MYLK4: variants seen among roughly 807,000 people sequenced by gnomAD.
The protein encoded by MYLK4 is caMLCK like.
Under a neutral mutation model 48.1 loss-of-function variants are expected in MYLK4, and 46 were observed. The observed-to-expected ratio is 0.96, with a 90% confidence interval of 0.75 to 1.22. The LOEUF is 1.22. Among genes scored for constraint, MYLK4 ranks in the 50% most tolerant of loss-of-function variants. MYLK4 has a pLI of 0.00. For missense variants in MYLK4, 451 were observed against 486.1 expected, an observed-to-expected ratio of 0.93 and a Z score of 0.68; for synonymous variants, 170 against 180.8, an observed-to-expected ratio of 0.94 and a Z score of 0.48.
rs1488350344 is a variant in MYLK4 at position 2,678,342 on chromosome 6, G to T, written c.918C>A (p.Asp306Glu). ...TGTTGTTCAGCGTCTCAGCATCATT[G>T]TCACCCAGGAAAGGCGACAAACCGC... is the stretch of plus-strand genomic sequence containing the variant. ...LLSGLSPFLG[D>E]NDAETLNNIL... The change falls in exon 10 of 13, where the codon GAC becomes GAA. Residue 306 changes from aspartate to glutamate, a missense_variant. Asp to Glu is a conservative substitution (Grantham distance 45). Coordinates refer to ENST00000274643, the MANE Select transcript of MYLK4 (RefSeq NM_001012418.5). 17 of 1,613,986 alleles carry T rather than the reference G, an allele frequency of 1.1e-5. No homozygotes were observed. Among genetic ancestry groups the T allele is most frequent in the Non-Finnish European group, 1.4e-5 (16 of 1,180,014 alleles).
intron 6 of MYLK4, among the ~76,000 whole-genome samples, chr6:2,684,500 A>G (rs1025113621): frequency 6.6e-6 from 1 of 152,176 alleles, no homozygotes; most frequent in Non-Finnish European, 1.5e-5. Flanking sequence ...AACAAAACGG[A>G]ATCACAATAT....
At chr6:2,743,974 A>G in intron 2 of MYLK4, 1 of 398,820 alleles carries the variant, frequency 2.5e-6, no homozygotes, top group South Asian at 1.3e-4. Flanking sequence ...AGAGAACTGA[A>G]GACGAGAGAA....
At chr6:2,721,152 C>T (rs1192922639) in intron 2 of MYLK4, among the ~76,000 whole-genome samples, 1 of 152,146 alleles carries the variant, frequency 6.6e-6, no homozygotes, top group East Asian at 1.9e-4. Flanking sequence ...CAGAGCAAGA[C>T]TCTGTCTCAA....
the MYLK4 span, among the ~76,000 whole-genome samples, chr6:2,757,112 GCAGTTTGGTGAACTCT>G: frequency 3.3e-5 from 5 of 151,208 alleles, no homozygotes; most frequent in African/African-American, 1.2e-4. Context: ...TGGCTGATGG[GCAGTTTGGTGAACTCT>G]CAGAGGTGTG....
the MYLK4 span, among the ~76,000 whole-genome samples, chr6:2,767,734 C>T: frequency 1.3e-5 from 2 of 152,290 alleles, no homozygotes; most frequent in African/African-American, 4.8e-5. Flanking sequence ...CAAGAAGGTC[C>T]TTAGGGAGAC....
chr6:2,730,251 T>G (rs1311708950), intron 2 of MYLK4, among the ~76,000 whole-genome samples: 1 of 152,174 alleles, frequency 6.6e-6, no homozygotes, highest in Non-Finnish European at 1.5e-5. Flanking sequence ...ACAGGGCACG[T>G]AGAAGGATAT....
chr6:2,686,701 C>T (rs554396110), intron 4 of MYLK4, among the ~76,000 whole-genome samples: 7 of 152,294 alleles, frequency 4.6e-5, no homozygotes, highest in South Asian at 2.1e-4. Context: ...CCGCTGCATC[C>T]TACTGTGGGG....
In MYLK4 at chr6:2,680,627, C is replaced by A. The variant is rs539348579; in HGVS notation, c.688-336G>T. The A allele has an allele frequency of 7.7e-6, 7 of 914,466 alleles. No individual in the cohort carries two copies. The African/African-American group carries it at 1.2e-4, about 16-fold the overall frequency. The allele number at this position is 914,466 out of a possible 1,614,324, so 56.6% of individuals were successfully genotyped here. On this transcript the variant is annotated intron_variant, in intron 7 of 12. Coordinates refer to ENST00000274643, the MANE Select transcript of MYLK4 (RefSeq NM_001012418.5). ...GTGGAGGCCCGCTCAGGCCTGACAT[C>A]TGCCCCTCTAAATTATTCAGTATGA...
rs1760687648 is a variant in MYLK4 at position 2,667,161 on chromosome 6, CA to C, written c.*763del. 1 of 152,158 alleles carries C rather than the reference CA, an allele frequency of 6.6e-6. No individual in the cohort carries two copies. Among genetic ancestry groups the C allele is most frequent in the Non-Finnish European group, 1.5e-5 (1 of 68,032 alleles). The allele number at this position is 152,158 out of a possible 1,614,324, so 9.4% of individuals were successfully genotyped here. ...TCCAACCATAAACAGATACTTTTTG[CA>C]TCACCTCTCAAAACCAATGTGTTTT... On this transcript the variant is annotated 3_prime_UTR_variant, in exon 13 of 13. Transcript: ENST00000274643.
upstream of MYLK4, chr6:2,751,084 G>A (rs1051406516): frequency 1.3e-4 from 20 of 152,564 alleles, no homozygotes; most frequent in African/African-American, 4.8e-4. Flanking sequence ...GGATGAACCG[G>A]GAACACTGGA....
In MYLK4 at chr6:2,692,858, G is replaced by C. The variant is rs142911273; in HGVS notation, c.161C>G (p.Ala54Gly). Residue 54 changes from alanine to glycine, a missense_variant and splice_region_variant, in exon 3 of 13, where the codon GCG becomes GGG. Ala to Gly is a moderately conservative substitution (Grantham distance 60). Transcript: ENST00000274643. ...DQDSRSGHNE[A>G]KEVWSNADLT... ...GTCGGCGTTTGACCACACCTCCTTC[G>C]CCTGTGGAGGCACAATTGAGTAATT... 5 of 1,612,100 alleles carry C rather than the reference G, an allele frequency of 3.1e-6. No homozygotes were observed. The East Asian group carries it at 1.1e-4, about 36-fold the overall frequency.
At chr6:2,728,909 A>G (rs1763380756) in intron 2 of MYLK4, among the ~76,000 whole-genome samples, 2 of 152,212 alleles carry the variant, frequency 1.3e-5, no homozygotes, top group South Asian at 4.1e-4. Flanking sequence ...TCCACGGTGG[A>G]TGGCAGATCC....
Position 2,666,196 on chromosome 6 carries a change from G to A in MYLK4, c.*1729C>T, listed in dbSNP as rs1193233951. ...AATAAGGATGTTGCACACATTCACG[G>A]CATGCTGTAAGGATTCCTTAAGTGG... is the stretch of plus-strand genomic sequence containing the variant. On this transcript the variant is annotated 3_prime_UTR_variant, in exon 13 of 13. Transcript: ENST00000274643. 6.6e-6 allele frequency: 1 copy of A among 152,134 alleles called. No homozygotes were observed. The highest frequency in any genetic ancestry group is 1.5e-5 in the Non-Finnish European group (1 of 68,034). 9.4% of individuals were successfully genotyped at this position (152,134 alleles called of 1,614,324 possible).
rs186645772 is a variant in MYLK4 at position 2,705,425 on chromosome 6, G to A, written c.160-12566C>T. ...TAGTAATGAGTGAAGCGGGATGGGGGTATACAGAGTCTGAGTTTGTAACAC... is the reference window on the plus strand; with the variant it reads ...TAGTAATGAGTGAAGCGGGATGGGGATATACAGAGTCTGAGTTTGTAACAC... On this transcript the variant is annotated intron_variant, in intron 2 of 12. Coordinates refer to ENST00000274643, the MANE Select transcript of MYLK4 (RefSeq NM_001012418.5). 1.6e-3 allele frequency among the ~76,000 whole-genome samples: 244 copies of A among 152,308 alleles called. 1 individual carries two copies. Among genetic ancestry groups the A allele is most frequent in the African/African-American group, 5.6e-3 (231 of 41,570 alleles).
chr6:2,762,991 C>T, the MYLK4 span, among the ~76,000 whole-genome samples: 2 of 152,196 alleles, frequency 1.3e-5, no homozygotes, highest in Non-Finnish European at 2.9e-5. Flanking sequence ...AAAACACCCA[C>T]ACAAGCAAAA....
chr6:2,763,396 T>TA, the MYLK4 span, among the ~76,000 whole-genome samples: 87 of 152,292 alleles, frequency 5.7e-4, 2 homozygotes, highest in Middle Eastern at 3.4e-3. Context: ...AAGCAGCGCT[T>TA]CTCAGGGAGG....
rs35723303 is a variant in MYLK4, at chr6:2,746,108, T to TAA, written c.159+3026_159+3027dup. ...TCTACTAAAAATACAAAAAAAAATA[T>TAA]AAAAAAAAATGAGTCAGGCGTGGTT... is the stretch of plus-strand genomic sequence containing the variant. On this transcript the variant is annotated intron_variant, in intron 2 of 12. Coordinates refer to ENST00000274643, the MANE Select transcript of MYLK4 (RefSeq NM_001012418.5). Among the ~76,000 whole-genome samples the TAA allele has an allele frequency of 2.9e-3, 433 of 148,498 alleles. 3 individuals are homozygous for TAA. Among genetic ancestry groups the TAA allele is most frequent in the Non-Finnish European group, 3.6e-3 (244 of 67,180 alleles).
intron 2 of MYLK4, among the ~76,000 whole-genome samples, chr6:2,713,408 A>C (rs1264553454): frequency 6.6e-6 from 1 of 152,110 alleles, no homozygotes; most frequent in Non-Finnish European, 1.5e-5. Context: ...AAAGAAAAGC[A>C]ACATAAATAC....
chr6:2,746,240 C>T (rs2113375048), intron 2 of MYLK4, among the ~76,000 whole-genome samples: 2 of 150,216 alleles, frequency 1.3e-5, no homozygotes, highest in South Asian at 4.2e-4. Context: ...GCACTCCAGC[C>T]TGGGTGACAG....
Sources: gnomAD v4.1 joint callset for allele counts (sites outside exome capture counted in the v4.1 genomes callset) on GRCh38, gnomAD v4.1.1 for gene constraint, MANE v1.5 for transcripts, NCBI Gene and HGNC (gene_info 2026-07-23, HGNC 2026-07-21) for gene names.